Variants in DPP6 observed in about 807,000 individuals in gnomAD.
The protein encoded by DPP6 is A-type potassium channel modulatory protein DPP6.
DPP6 carries 69 observed loss-of-function variants against 122.6 expected under a neutral mutation model. That is an observed-to-expected ratio of 0.56 (90% CI 0.46 to 0.69). The LOEUF (loss-of-function observed/expected upper bound fraction) is 0.69. Among genes scored for constraint, DPP6 ranks in the 30% least tolerant of loss-of-function variants. DPP6 has a pLI of 0.00. For synonymous variants in DPP6, 418 were observed against 433.1 expected, an observed-to-expected ratio of 0.97 and a Z score of 0.43; for missense variants, 928 against 1,116.9, an observed-to-expected ratio of 0.83 and a Z score of 2.41.
intron 1 of DPP6, among the ~76,000 whole-genome samples, chr7:154,102,686 A>T (rs1171757409): frequency 6.6e-6 from 1 of 152,186 alleles, no homozygotes; most frequent in Non-Finnish European, 1.5e-5. Flanking sequence ...TGATCAAAAA[A>T]ATCACAAGAG....
At chr7:154,687,999 G>C (rs573604972) in intron 7 of DPP6, among the ~76,000 whole-genome samples, 73 of 152,298 alleles carry the variant, frequency 4.8e-4, no homozygotes, top group African/African-American at 1.5e-3. Context: ...TTTGCTTTCA[G>C]ACTCTCCACT....
intron 5 of DPP6, among the ~76,000 whole-genome samples, chr7:154,631,558 T>G (rs562966436): frequency 6.6e-6 from 1 of 151,992 alleles, no homozygotes; most frequent in African/African-American, 2.4e-5. Context: ...ATCCAAGCAT[T>G]TGGGAGGCCG....
intron 7 of DPP6, among the ~76,000 whole-genome samples, chr7:154,714,464 A>C (rs757893059): frequency 6.6e-6 from 1 of 152,230 alleles, no homozygotes; most frequent in African/African-American, 2.4e-5. Flanking sequence ...ACGGTTCTGC[A>C]TGGCTAGGGA....
intron 8 of DPP6, among the ~76,000 whole-genome samples, chr7:154,758,281 G>A (rs1041340944): frequency 9.9e-5 from 15 of 152,102 alleles, no homozygotes; most frequent in Non-Finnish European, 2.2e-4. Context: ...AGGCCCGCAA[G>A]TTCATGGCCA....
At chr7:154,186,691 T>A (rs543116690) in intron 1 of DPP6, among the ~76,000 whole-genome samples, 3 of 152,226 alleles carry the variant, frequency 2.0e-5, no homozygotes, top group Non-Finnish European at 4.4e-5. Flanking sequence ...GTCCAGATGA[T>A]GAAGCAAATA....
intron 5 of DPP6, among the ~76,000 whole-genome samples, chr7:154,626,890 C>T (rs904089880): frequency 2.0e-5 from 3 of 150,892 alleles, no homozygotes; most frequent in Non-Finnish European, 2.9e-5. Flanking sequence ...CAAGAACCTT[C>T]GGTTTACATG....
intron 22 of DPP6, among the ~76,000 whole-genome samples, chr7:154,886,561 T>C (rs970445390): frequency 2.6e-5 from 4 of 152,214 alleles, no homozygotes; most frequent in Non-Finnish European, 5.9e-5. Context: ...TTTCTGTGGC[T>C]CCGAGAACTT....
At chr7:154,516,881 G>A (rs1282968094) in intron 3 of DPP6, among the ~76,000 whole-genome samples, 6 of 152,124 alleles carry the variant, frequency 3.9e-5, no homozygotes, top group Non-Finnish European at 4.4e-5. Flanking sequence ...TTTTGCCTTG[G>A]CAACACGGAC....
chr7:154,107,431 T>C (rs1267561852), intron 1 of DPP6, among the ~76,000 whole-genome samples: 1 of 152,116 alleles, frequency 6.6e-6, no homozygotes, highest in Non-Finnish European at 1.5e-5. Flanking sequence ...GGGGGTGGGT[T>C]GGGGAGATGT....
intron 10 of DPP6, among the ~76,000 whole-genome samples, chr7:154,787,058 T>C (rs1299063769): frequency 2.6e-5 from 4 of 152,270 alleles, no homozygotes; most frequent in Non-Finnish European, 5.9e-5. Flanking sequence ...ACATATATTT[T>C]ATTTCTTTAT....
chr7:154,380,057 A>G (rs1813458102), intron 1 of DPP6, among the ~76,000 whole-genome samples: 1 of 152,242 alleles, frequency 6.6e-6, no homozygotes, highest in Non-Finnish European at 1.5e-5. Flanking sequence ...GAAACCAACC[A>G]AAAAGTAATG....
rs1804480554 is a variant in DPP6, at chr7:154,872,494, G to GTC, written c.1814-126_1814-125dup. The GTC allele has an allele frequency of 2.8e-6, 4 of 1,403,952 alleles. No homozygotes were observed. The East Asian group carries it at 1.0e-4, about 35-fold the overall frequency. 87.0% of individuals were successfully genotyped at this position (1,403,952 alleles called of 1,614,324 possible). On this transcript the variant is annotated intron_variant, in intron 18 of 25. Transcript: ENST00000377770. ...TCCTCAGGATGAAAACCCTGGGCCA[G>GTC]TCTCTGTCTGTGGGCTTCCCCTCAG...
chr7:154,022,495 T>A (rs1798751287), intron 1 of DPP6, among the ~76,000 whole-genome samples: 1 of 152,190 alleles, frequency 6.6e-6, no homozygotes, highest in African/African-American at 2.4e-5. Context: ...GGGAAAAACA[T>A]CCTAGTGATA....
intron 1 of DPP6, among the ~76,000 whole-genome samples, chr7:154,249,919 G>A (rs1802240081): frequency 6.6e-6 from 1 of 152,104 alleles, no homozygotes; most frequent in Non-Finnish European, 1.5e-5. Flanking sequence ...AAACTAAAAG[G>A]CAGAAATGAA....
chr7:154,031,570 A>G (rs1201615033), intron 1 of DPP6, among the ~76,000 whole-genome samples: 1 of 151,796 alleles, frequency 6.6e-6, no homozygotes, highest in Non-Finnish European at 1.5e-5. Context: ...CATTATTTCA[A>G]AGTCATAGTA....
At position 154,735,000 on chromosome 7, in the gene DPP6, C is replaced by T. The variant is rs112703813; in HGVS notation, c.883+7113C>T. Among the ~76,000 whole-genome samples the T allele has an allele frequency of 3.2e-4, 49 of 152,320 alleles. No individual in the cohort carries two copies. The Middle Eastern group carries it at 0.021, about 64-fold the overall frequency. On this transcript the variant is annotated intron_variant, in intron 8 of 25. Coordinates refer to ENST00000377770, the MANE Select transcript of DPP6 (RefSeq NM_130797.4). ...TTCCCAAACTCGGTAAAATAAGAGG[C>T]ACCTGCTCAACTATTTCATTTGCAA...
intron 1 of DPP6, among the ~76,000 whole-genome samples, chr7:154,365,414 A>C (rs931384417): frequency 6.6e-6 from 1 of 152,228 alleles, no homozygotes; most frequent in East Asian, 1.9e-4. Flanking sequence ...AAGCTGAGAA[A>C]CAAAGAACCG....
At chr7:154,879,197 C>T (rs889937671) in intron 20 of DPP6, among the ~76,000 whole-genome samples, 5 of 152,230 alleles carry the variant, frequency 3.3e-5, no homozygotes, top group Admixed American at 3.3e-4. Flanking sequence ...AATCCCAGCA[C>T]TTTGGGAGGC....
intron 1 of DPP6, among the ~76,000 whole-genome samples, chr7:154,077,232 G>A (rs1803621284): frequency 6.6e-6 from 1 of 152,138 alleles, no homozygotes. Flanking sequence ...AATTAACTTT[G>A]TAGTTGGATG....
Sources: allele counts gnomAD v4.1 joint callset (sites outside exome capture counted in the v4.1 genomes callset), GRCh38; gene constraint gnomAD v4.1.1; transcripts MANE v1.5; gene names NCBI Gene and HGNC (gene_info 2026-07-23, HGNC 2026-07-21).